Variants in DACH1 observed in about 807,000 individuals in gnomAD.
DACH1 encodes dachshund homolog 1.
Under a neutral mutation model 54.2 loss-of-function variants are expected in DACH1, and 12 were observed. The observed-to-expected ratio is 0.22, with a 90% CI of 0.14 to 0.36. The LOEUF is 0.36. Ranked by LOEUF, DACH1 falls within the 10% of genes least tolerant of loss-of-function variation. The pLI is 1.00. For synonymous variants in DACH1, 386 were observed against 366.2 expected (o/e 1.05, Z -0.62); for missense variants, 805 against 929.8 (o/e 0.87, Z 1.75).
chr13:71,610,320 A>T (rs1429732406), intron 3 of DACH1, among the ~76,000 whole-genome samples: 1 of 152,214 alleles, frequency 6.6e-6, no homozygotes, highest in East Asian at 1.9e-4. Flanking sequence ...GCTTTACTGA[A>T]CAGAATTCTA....
intron 1 of DACH1, among the ~76,000 whole-genome samples, chr13:71,862,573 A>G (rs559702116): frequency 9.9e-5 from 15 of 151,344 alleles, no homozygotes; most frequent in Non-Finnish European, 1.9e-4. Flanking sequence ...TGAGACCTTT[A>G]TTTTTTAGCT....
chr13:71,804,668 T>C (rs1168324508), intron 1 of DACH1, among the ~76,000 whole-genome samples: 1 of 152,138 alleles, frequency 6.6e-6, no homozygotes, highest in African/African-American at 2.4e-5. Context: ...GTTCCCACCC[T>C]CTGGAATGCC....
At position 71,439,207 on chromosome 13, in the gene DACH1, A is replaced by G. The variant is rs1204991702; in HGVS notation, c.*1448T>C. On this transcript the variant is annotated 3_prime_UTR_variant, in exon 11 of 11. Coordinates refer to ENST00000613252, the MANE Select transcript of DACH1 (RefSeq NM_080759.6). ...AATTTTAAGATGACAGAAAAATCAT[A>G]AAATGTATAGTGACCGTACTGATTC... 6.6e-6 allele frequency: 1 copy of G among 152,482 alleles called. No homozygotes were observed. Among genetic ancestry groups the G allele is most frequent in the Non-Finnish European group, 1.5e-5 (1 of 67,922 alleles). 9.4% of individuals were successfully genotyped at this position (152,482 alleles called of 1,614,324 possible).
intron 3 of DACH1, among the ~76,000 whole-genome samples, chr13:71,597,455 C>T (rs1874176723): frequency 1.3e-5 from 2 of 152,154 alleles, no homozygotes; most frequent in South Asian, 4.1e-4. Flanking sequence ...ACAGTACCTA[C>T]CATTTGGCCC....
At chr13:71,479,373 A>T in intron 7 of DACH1, 57 bp from the exon 8 acceptor site, 4 of 1,553,138 alleles carry the variant, frequency 2.6e-6, no homozygotes, top group Non-Finnish European at 3.5e-6. Flanking sequence ...AATTTCGTTC[A>T]TTACTTAAAA....
chr13:71,772,268 ATG>A (rs1434705395), intron 1 of DACH1, among the ~76,000 whole-genome samples: 1 of 151,750 alleles, frequency 6.6e-6, no homozygotes, highest in Non-Finnish European at 1.5e-5. Flanking sequence ...CTTTATGAAT[ATG>A]TGAGCATGCC....
At chr13:71,544,592 T>G (rs1163049432) in intron 6 of DACH1, among the ~76,000 whole-genome samples, 1 of 152,180 alleles carries the variant, frequency 6.6e-6, no homozygotes, top group African/African-American at 2.4e-5. Context: ...AACTTCCCTA[T>G]GTCCTTTCAC....
chr13:71,851,327 C>T (rs1873646539), intron 1 of DACH1, among the ~76,000 whole-genome samples: 1 of 152,102 alleles, frequency 6.6e-6, no homozygotes. Flanking sequence ...TGTTTAAACA[C>T]ATTTTATAAT....
At chr13:71,792,922 A>C (rs1886893463) in intron 1 of DACH1, among the ~76,000 whole-genome samples, 1 of 152,198 alleles carries the variant, frequency 6.6e-6, no homozygotes, top group African/African-American at 2.4e-5. Flanking sequence ...AGTAGCCTAC[A>C]GTGGACTAAT....
chr13:71,610,403 A>T (rs915538175), intron 3 of DACH1, among the ~76,000 whole-genome samples: 3 of 152,300 alleles, frequency 2.0e-5, no homozygotes, highest in Non-Finnish European at 4.4e-5. Context: ...CCCCTCGTTC[A>T]AGCAAAGAAG....
chr13:71,754,456 C>T (rs962139955), intron 1 of DACH1, among the ~76,000 whole-genome samples: 1 of 152,122 alleles, frequency 6.6e-6, no homozygotes, highest in Non-Finnish European at 1.5e-5. Flanking sequence ...GATGATGACT[C>T]TCAGTATTTT....
intron 3 of DACH1, among the ~76,000 whole-genome samples, chr13:71,590,061 T>C (rs1322794357): frequency 2.0e-5 from 3 of 152,062 alleles, no homozygotes; most frequent in Admixed American, 6.6e-5. Context: ...ATGTCCTCTA[T>C]GGAAATCTAA....
chr13:71,451,317 T>C (rs1875034128), intron 10 of DACH1, among the ~76,000 whole-genome samples: 1 of 152,192 alleles, frequency 6.6e-6, no homozygotes, highest in South Asian at 2.1e-4. Flanking sequence ...AATGCTTCAC[T>C]ATCCTACAGA....
chr13:71,821,144 C>T (rs1888169958), intron 1 of DACH1, among the ~76,000 whole-genome samples: 1 of 152,188 alleles, frequency 6.6e-6, no homozygotes, highest in African/African-American at 2.4e-5. Flanking sequence ...TTCAACAGGG[C>T]TTGCCTACTT....
Position 71,473,398 on chromosome 13 carries a change from A to C in DACH1, c.2083+1743T>G, listed in dbSNP as rs193226035. ...GGTAAGATTCTGGATACTAAAAGGAAAGCAATTTGTGATTAAAACTTTTCT... is the reference window on the plus strand; with the variant it reads ...GGTAAGATTCTGGATACTAAAAGGACAGCAATTTGTGATTAAAACTTTTCT... On this transcript the variant is annotated intron_variant, in intron 10 of 10. Coordinates refer to ENST00000613252, the MANE Select transcript of DACH1 (RefSeq NM_080759.6). Among the ~76,000 whole-genome samples the C allele has an allele frequency of 7.9e-4, 121 of 152,318 alleles. 3 individuals carry two copies. In the South Asian group the frequency reaches 0.019, roughly 24 times the overall value.
intron 6 of DACH1, among the ~76,000 whole-genome samples, chr13:71,514,394 T>C (rs2138265133): frequency 6.6e-6 from 1 of 151,990 alleles, no homozygotes; most frequent in Middle Eastern, 3.4e-3. Context: ...CAGAACTTTA[T>C]TTACGGTTAG....
At chr13:71,616,975 AG>A (rs1332630339) in intron 3 of DACH1, among the ~76,000 whole-genome samples, 1 of 149,172 alleles carries the variant, frequency 6.7e-6, no homozygotes, top group Non-Finnish European at 1.5e-5. Flanking sequence ...TCCACCTCCC[AG>A]GTTCAAGTGA....
intron 1 of DACH1, among the ~76,000 whole-genome samples, chr13:71,824,208 G>C (rs1019327945): frequency 6.6e-6 from 1 of 151,638 alleles, no homozygotes; most frequent in African/African-American, 2.4e-5. Context: ...TTTGATCTAC[G>C]TAATAACTAT....
intron 2 of DACH1, among the ~76,000 whole-genome samples, chr13:71,642,864 A>G (rs962762983): frequency 1.3e-5 from 2 of 151,844 alleles, no homozygotes; most frequent in Admixed American, 1.3e-4. Flanking sequence ...TACTGAAAAA[A>G]ATATACAAAA....
Sources: gnomAD v4.1 joint callset for allele counts (sites outside exome capture counted in the v4.1 genomes callset) on GRCh38, gnomAD v4.1.1 for gene constraint, MANE v1.5 for transcripts, NCBI Gene and HGNC (gene_info 2026-07-23, HGNC 2026-07-21) for gene names.